Variants in CATSPERE observed in about 807,000 individuals in gnomAD.
The protein encoded by CATSPERE is catsper channel auxiliary subunit epsilon.
CATSPERE carries 93 observed loss-of-function variants against 114.1 expected under a neutral mutation model. That is an observed-to-expected ratio of 0.81 (90% confidence interval 0.69 to 0.97). The LOEUF is 0.97. Among genes scored for constraint, CATSPERE ranks in the 50% least tolerant of loss-of-function variants. The pLI, the probability that CATSPERE is intolerant of heterozygous loss-of-function variation, is 0.00. For synonymous variants in CATSPERE, 341 were observed against 384.1 expected (o/e 0.89, Z 1.31); for missense variants, 1,058 against 1,131.6 (o/e 0.93, Z 0.93).
intron 19 of CATSPERE, 29 bp downstream of exon 19, chr1:244,610,355 T>G: frequency 6.7e-7 from 1 of 1,491,064 alleles, no homozygotes; most frequent in Non-Finnish European, 9.3e-7. Context: ...TCCAGATTGT[T>G]TATTTGGAAT....
At chr1:244,563,466 G>A (rs575354877) in intron 10 of CATSPERE, among the ~76,000 whole-genome samples, 15 of 152,160 alleles carry the variant, frequency 9.9e-5, no homozygotes, top group East Asian at 1.9e-4. Flanking sequence ...TCTAACTGAC[G>A]TGAGACGGTA....
upstream of CATSPERE, among the ~76,000 whole-genome samples, chr1:244,458,741 C>G (rs1366085440): frequency 6.6e-6 from 1 of 152,214 alleles, no homozygotes; most frequent in African/African-American, 2.4e-5. Context: ...TGTGAATATT[C>G]TCAATTTATG....
Position 244,599,703 on chromosome 1 carries a change from T to C in CATSPERE, c.2304-5992T>C, listed in dbSNP as rs1355992577. 2.6e-5 allele frequency among the ~76,000 whole-genome samples: 4 copies of C among 152,366 alleles called. No homozygotes were observed. In the South Asian group the frequency reaches 6.2e-4, roughly 24 times the overall value. ...AAGGTTCTATTTGATTTTCTGCCTC[T>C]GTTACCTTTCTCCCATTAAACTTCA... On this transcript the variant is annotated intron_variant, in intron 17 of 21. Coordinates refer to ENST00000366534, the MANE Select transcript of CATSPERE (RefSeq NM_001130957.2).
chr1:244,455,033 C>G lies in CATSPERE; in HGVS notation n.237+420C>G, dbSNP rs945807747. Among the ~76,000 whole-genome samples the G allele has an allele frequency of 3.3e-5, 5 of 152,090 alleles. 1 individual carries two copies. The highest frequency in any genetic ancestry group is 1.2e-4 in the African/African-American group (5 of 41,410). On this transcript the variant is annotated intron_variant and non_coding_transcript_variant, in intron 1 of 15. Coordinates refer to the CATSPERE transcript ENST00000473875. ...AGGAATTTGGGGATTTTTAGGTTAG[C>G]CCTAAGAATTTTCTTGAGCAGTTAA...
chr1:244,520,062 G>A (rs1027662017), intron 8 of CATSPERE, among the ~76,000 whole-genome samples: 1 of 152,052 alleles, frequency 6.6e-6, no homozygotes, highest in African/African-American at 2.4e-5. Flanking sequence ...TGATTTACAA[G>A]GATTTTCTCC....
At chr1:244,490,753 T>C (rs1190232532) in intron 6 of CATSPERE, among the ~76,000 whole-genome samples, 1 of 152,176 alleles carries the variant, frequency 6.6e-6, no homozygotes, top group Non-Finnish European at 1.5e-5. Context: ...CCAGCTGTCT[T>C]TTATTAATAC....
intron 21 of CATSPERE, among the ~76,000 whole-genome samples, chr1:244,638,233 A>G (rs1674883233): frequency 1.3e-5 from 2 of 152,226 alleles, no homozygotes; most frequent in Non-Finnish European, 2.9e-5. Context: ...TCGGGTTTCT[A>G]TCTCATCACT....
Position 244,575,129 on chromosome 1 carries a change from G to A in CATSPERE, c.1950+2357G>A, listed in dbSNP as rs985734507. Among the ~76,000 whole-genome samples the A allele has an allele frequency of 3.9e-5, 6 of 152,252 alleles. No individual in the cohort carries two copies. The highest frequency in any genetic ancestry group is 2.1e-4 in the South Asian group (1 of 4,824). On this transcript the variant is annotated intron_variant, in intron 11 of 21. Coordinates refer to ENST00000366534, the MANE Select transcript of CATSPERE (RefSeq NM_001130957.2). This position sits in a 1 kb window ranked among gnomAD's most constrained non-coding sequence, Gnocchi z 4.5. The stretch of plus-strand genomic sequence containing the variant: ...TGGGCCCTGCCCCAGAGCATGTGCC[G>A]CCATCTGTCTCTCCTGTTTCTTTCT...
At chr1:244,515,332 GA>G in intron 7 of CATSPERE, 1 of 981,040 alleles carries the variant, frequency 1.0e-6, no homozygotes, top group Non-Finnish European at 1.2e-6. Flanking sequence ...TGGATGGTGA[GA>G]TTTTTTTCAT....
At chr1:244,483,579 C>G (rs12085880) in intron 5 of CATSPERE, among the ~76,000 whole-genome samples, 1 of 151,948 alleles carries the variant, frequency 6.6e-6, no homozygotes, top group African/African-American at 2.4e-5. Flanking sequence ...ATTACTGATG[C>G]GTTGAGTGTT....
rs182469035 is a variant in CATSPERE at position 244,633,888 on chromosome 1, G to A, written c.2649-1601G>A. On this transcript the variant is annotated intron_variant, in intron 20 of 21. Transcript: ENST00000366534. The surrounding 1 kb of genome is among the most constrained non-coding windows in gnomAD (Gnocchi z 4.1). ...TCATTTTTTTTTTTTTTTTTGAGACGGAGCCTCACTCTGTTGCCCAGGCTG... is the reference window on the plus strand; with the variant it reads ...TCATTTTTTTTTTTTTTTTTGAGACAGAGCCTCACTCTGTTGCCCAGGCTG... Among the ~76,000 whole-genome samples, 8 of 145,380 alleles carry A rather than the reference G, an allele frequency of 5.5e-5. No individual in the cohort carries two copies. The East Asian group carries it at 1.2e-3, about 22-fold the overall frequency.
intron 20 of CATSPERE, among the ~76,000 whole-genome samples, 183 bp from the exon 21 acceptor site, chr1:244,635,306 G>A (rs980592858): frequency 6.6e-6 from 1 of 152,178 alleles, no homozygotes; most frequent in Non-Finnish European, 1.5e-5. Context: ...AGAGAAGCCT[G>A]AGCTGTACAT....
At chr1:244,622,269 T>C (rs563473906) in intron 20 of CATSPERE, among the ~76,000 whole-genome samples, 1 of 152,332 alleles carries the variant, frequency 6.6e-6, no homozygotes, top group Non-Finnish European at 1.5e-5. Flanking sequence ...ATATTCCTAG[T>C]ATCTATATGT....
intron 8 of CATSPERE, among the ~76,000 whole-genome samples, chr1:244,521,561 T>C (rs978040972): frequency 6.6e-6 from 1 of 152,206 alleles, no homozygotes; most frequent in African/African-American, 2.4e-5. Flanking sequence ...TTTTACTTCC[T>C]GCTTTCCTCG....
chr1:244,490,598 T>C (rs1572367780), intron 6 of CATSPERE, 127 bp downstream of exon 6: 1 of 602,142 alleles, frequency 1.7e-6, no homozygotes, highest in South Asian at 2.2e-5. Flanking sequence ...GCTTAGAGTA[T>C]ACCTTTCTAT....
At chr1:244,562,880 C>T (rs1246166873) in intron 10 of CATSPERE, among the ~76,000 whole-genome samples, 8 of 152,100 alleles carry the variant, frequency 5.3e-5, no homozygotes, top group Admixed American at 5.2e-4. Flanking sequence ...GTTATCCCTC[C>T]CCTACCCTCC....
At chr1:244,477,871 C>T in intron 3 of CATSPERE, 35 bp from the exon 4 acceptor site, 1 of 1,499,960 alleles carries the variant, frequency 6.7e-7, no homozygotes, top group Non-Finnish European at 9.2e-7. Context: ...TCATATGCAC[C>T]TATAATTATT....
intron 8 of CATSPERE, among the ~76,000 whole-genome samples, chr1:244,545,537 G>A (rs1037776337): frequency 2.0e-5 from 3 of 152,170 alleles, no homozygotes; most frequent in African/African-American, 7.2e-5. Context: ...GGCCCTTATA[G>A]GTAAATTGAA....
In CATSPERE at chr1:244,573,909, A is replaced by G. The variant is rs1333970541; in HGVS notation, c.1950+1137A>G. On this transcript the variant is annotated intron_variant, in intron 11 of 21. Coordinates refer to ENST00000366534, the MANE Select transcript of CATSPERE (RefSeq NM_001130957.2). The surrounding 1 kb of genome is among the most constrained non-coding windows in gnomAD (Gnocchi z 4.0). ...AACAGAATGCTTGTTCTTTGGTACT[A>G]CAAGAAAAAAACAGCATTTAGACAA... 1.3e-5 allele frequency among the ~76,000 whole-genome samples: 2 copies of G among 152,234 alleles called. No individual in the cohort carries two copies. The highest frequency in any genetic ancestry group is 1.9e-4 in the East Asian group (1 of 5,204).
Sources: allele counts gnomAD v4.1 joint callset (sites outside exome capture counted in the v4.1 genomes callset), GRCh38; gene constraint gnomAD v4.1.1; non-coding constraint Gnocchi (gnomAD v3.1); transcripts MANE v1.5; gene names NCBI Gene and HGNC (gene_info 2026-07-23, HGNC 2026-07-21).